The following CDYL variants were observed in gnomAD, a reference collection of about 807,000 sequenced individuals.
The protein encoded by CDYL is chromodomain Y like.
A neutral mutation model predicts 47.3 loss-of-function variants in CDYL; 8 were observed. That is an observed-to-expected ratio of 0.17 (90% CI 0.10 to 0.31). CDYL has a LOEUF of 0.31. CDYL is among the 10% of genes least tolerant of loss of function. The pLI, the probability that CDYL is intolerant of heterozygous loss-of-function variation, is 1.00. For synonymous variants in CDYL, 266 were observed against 265.0 expected (o/e 1.00, Z -0.04); for missense variants, 471 against 701.4 (o/e 0.67, Z 3.71).
intron 2 of CDYL, among the ~76,000 whole-genome samples, chr6:4,726,036 A>G (rs1302143765): frequency 6.6e-6 from 1 of 152,122 alleles, no homozygotes; most frequent in East Asian, 1.9e-4. Flanking sequence ...ACATCACAGG[A>G]AATCATCACG....
At chr6:4,856,615 G>A (rs906909813) in intron 1 of CDYL, among the ~76,000 whole-genome samples, 4 of 152,190 alleles carry the variant, frequency 2.6e-5, no homozygotes, top group African/African-American at 9.7e-5. Flanking sequence ...CCTGAGGGAT[G>A]GCAGCGGGAA....
intron 1 of CDYL, among the ~76,000 whole-genome samples, chr6:4,831,736 C>G (rs960630812): frequency 6.6e-6 from 1 of 151,716 alleles, no homozygotes. Context: ...CCATTTGTAT[C>G]CTCTTTAATT....
chr6:4,717,459 G>A (rs1455358993), intron 2 of CDYL, among the ~76,000 whole-genome samples: 2 of 152,092 alleles, frequency 1.3e-5, no homozygotes, highest in Admixed American at 1.3e-4. Context: ...GCCTTTGGGA[G>A]GCTGAGGTGA....
In CDYL at chr6:4,761,633, C is replaced by T. The variant is rs143827598; in HGVS notation, c.186+26789C>T. 7.5e-3 allele frequency among the ~76,000 whole-genome samples: 1,141 copies of T among 152,320 alleles called. 37 individuals are homozygous for T. In the East Asian group the frequency reaches 0.08, roughly 11 times the overall value. On this transcript the variant is annotated intron_variant, in intron 3 of 8. Coordinates refer to the CDYL transcript ENST00000328908. ...CTGGGATTACAGGCATGAGCCACCA[C>T]GCCCGGCCCACTTTCCCCAGAATTG...
intron 1 of CDYL, among the ~76,000 whole-genome samples, chr6:4,792,725 C>T (rs561143301): frequency 2.0e-5 from 3 of 152,214 alleles, no homozygotes; most frequent in South Asian, 2.1e-4. Flanking sequence ...CATGAGCCAC[C>T]GCGCCTGGCT....
intron 3 of CDYL, among the ~76,000 whole-genome samples, chr6:4,736,672 C>G (rs550078590): frequency 6.8e-6 from 1 of 146,982 alleles, no homozygotes; most frequent in South Asian, 2.1e-4. Context: ...TTTTTTTTTT[C>G]TGCTACGCAC....
chr6:4,866,215 A>C (rs1180758622), intron 1 of CDYL, among the ~76,000 whole-genome samples: 2 of 152,222 alleles, frequency 1.3e-5, no homozygotes, highest in African/African-American at 4.8e-5. Context: ...GTTAAAAATC[A>C]GACAGAAGAG....
intron 1 of CDYL, among the ~76,000 whole-genome samples, chr6:4,794,804 A>G (rs1561641331): frequency 6.6e-6 from 1 of 152,132 alleles, no homozygotes; most frequent in Admixed American, 6.5e-5. Flanking sequence ...GGTCTCGTTG[A>G]TGGAAAAGCA....
At chr6:4,936,741 T>G (rs978040548) in intron 3 of CDYL, among the ~76,000 whole-genome samples, 11 of 152,142 alleles carry the variant, frequency 7.2e-5, no homozygotes, top group African/African-American at 2.7e-4. Flanking sequence ...ACTGAATGAG[T>G]TTCTTTCAAC....
intron 2 of CDYL, among the ~76,000 whole-genome samples, chr6:4,916,901 C>T (rs35163582): frequency 0.02 from 3,016 of 152,366 alleles, 52 homozygotes; most frequent in Non-Finnish European, 0.031. Context: ...ACACCTCCAC[C>T]TCTGACAGGT....
intron 5 of CDYL, among the ~76,000 whole-genome samples, chr6:4,948,224 A>G (rs1199694921): frequency 6.6e-6 from 1 of 152,134 alleles, no homozygotes; most frequent in Non-Finnish European, 1.5e-5. Context: ...TGTATGATCT[A>G]TGTAGATGTG....
intron 2 of CDYL, among the ~76,000 whole-genome samples, chr6:4,903,451 CTT>C (rs1361518410): frequency 2.6e-5 from 4 of 152,166 alleles, no homozygotes; most frequent in Non-Finnish European, 4.4e-5. Flanking sequence ...TCTTAAATGT[CTT>C]TTGATAATTA....
chr6:4,924,474 C>T (rs13211524), intron 2 of CDYL, among the ~76,000 whole-genome samples: 8,090 of 152,204 alleles, frequency 0.053, 407 homozygotes, highest in African/African-American at 0.13. Flanking sequence ...GACTAAAATG[C>T]CTTTTACACC....
chr6:4,769,390 C>A (rs1471802680), intron 3 of CDYL, among the ~76,000 whole-genome samples: 2 of 152,102 alleles, frequency 1.3e-5, no homozygotes, highest in African/African-American at 4.8e-5. Flanking sequence ...ATCCCTCCTA[C>A]TTCTCATAAA....
chr6:4,750,787 G>A (rs566722715), intron 3 of CDYL, among the ~76,000 whole-genome samples: 11 of 151,438 alleles, frequency 7.3e-5, no homozygotes, highest in South Asian at 4.2e-4. Context: ...AAAATCACGC[G>A]TGTCTTTCTA....
chr6:4,840,779 G>A (rs546828270), intron 1 of CDYL, among the ~76,000 whole-genome samples: 37 of 152,214 alleles, frequency 2.4e-4, no homozygotes, highest in African/African-American at 8.4e-4. Flanking sequence ...TTGAAGTGTT[G>A]TTGGATTCAG....
At chr6:4,779,770 A>G (rs1381800513) in intron 1 of CDYL, among the ~76,000 whole-genome samples, 2 of 152,196 alleles carry the variant, frequency 1.3e-5, no homozygotes, top group Non-Finnish European at 2.9e-5. Flanking sequence ...AGGGCCAGAT[A>G]ATACATATTT....
At chr6:4,796,921 A>AT (rs1344311404) in intron 1 of CDYL, among the ~76,000 whole-genome samples, 2 of 151,848 alleles carry the variant, frequency 1.3e-5, no homozygotes, top group African/African-American at 4.8e-5. Context: ...GGTATGAGAG[A>AT]TTTTTCTACA....
intron 1 of CDYL, among the ~76,000 whole-genome samples, chr6:4,869,235 A>G (rs1761407488): frequency 6.6e-6 from 1 of 151,892 alleles, no homozygotes; most frequent in South Asian, 2.1e-4. Flanking sequence ...AGCTGGGACT[A>G]CAGGTGCCCA....
Sources: gnomAD v4.1 joint callset for allele counts (sites outside exome capture counted in the v4.1 genomes callset) on GRCh38, gnomAD v4.1.1 for gene constraint, MANE v1.5 for transcripts, NCBI Gene and HGNC (gene_info 2026-07-23, HGNC 2026-07-21) for gene names.